Variants in C2orf49 observed in about 807,000 individuals in gnomAD.
C2orf49 encodes tRNA splicing ligase complex subunit 2, also known as tRNA-splicing ligase complex subunit ASW.
Under a neutral mutation model 20.6 loss-of-function variants are expected in C2orf49, and 11 were observed. The ratio of observed to expected loss-of-function variants is 0.53; its 90% CI spans 0.34 to 0.88. The LOEUF is 0.88. C2orf49 is among the 40% of genes least tolerant of loss of function. The pLI, the probability that C2orf49 is intolerant of heterozygous loss-of-function variation, is 0.02. For missense variants in C2orf49, 289 were observed against 274.2 expected, an observed-to-expected ratio of 1.05 and a Z score of -0.38; for synonymous variants, 134 against 108.5, an observed-to-expected ratio of 1.24 and a Z score of -1.46.
chr2:105,373,491 G>T, the C2orf49 span: 5 of 1,550,434 alleles, frequency 3.2e-6, no homozygotes, highest in Admixed American at 5.1e-5. Context: ...GTGAACAGGG[G>T]GTCAGAGGAA....
At chr2:105,367,735 G>C in the C2orf49 span, 15 of 1,613,468 alleles carry the variant, frequency 9.3e-6, no homozygotes, top group East Asian at 3.3e-4. Flanking sequence ...CCATCTTGCG[G>C]GTACCTGTCA....
chr2:105,363,573 G>A, the C2orf49 span: 38 of 1,121,726 alleles, frequency 3.4e-5, no homozygotes, highest in Admixed American at 5.2e-4. Flanking sequence ...ATCCAGAAAC[G>A]TCCAGTTTGT....
At chr2:105,371,911 C>A in the C2orf49 span, among the ~76,000 whole-genome samples, 1 of 152,260 alleles carries the variant, frequency 6.6e-6, no homozygotes, top group African/African-American at 2.4e-5. Flanking sequence ...GGCTTCAATT[C>A]TCATTTGCAC....
intron 1 of C2orf49, 35 bp downstream of exon 1, chr2:105,337,721 G>GGGGGGGGGCC: frequency 3.7e-5 from 1 of 26,800 alleles, no homozygotes; most frequent in Non-Finnish European, 6.6e-5. Context: ...GGGCGGGTGG[G>GGGGGGGGGCC]CCTTCCCAGG....
the C2orf49 span, among the ~76,000 whole-genome samples, chr2:105,382,176 A>C: frequency 6.6e-6 from 1 of 152,220 alleles, no homozygotes; most frequent in Non-Finnish European, 1.5e-5. Flanking sequence ...ATTAGCTACA[A>C]AAGCTGGAAA....
the C2orf49 span, among the ~76,000 whole-genome samples, chr2:105,370,146 G>A: frequency 6.6e-6 from 1 of 152,164 alleles, no homozygotes; most frequent in Non-Finnish European, 1.5e-5. Context: ...GGCTAAGGCG[G>A]GAGATCTCTT....
the C2orf49 span, among the ~76,000 whole-genome samples, chr2:105,355,995 A>G: frequency 6.6e-6 from 1 of 152,162 alleles, no homozygotes; most frequent in South Asian, 2.1e-4. Flanking sequence ...TGGTAATCCC[A>G]GCGTTTTGGA....
the C2orf49 span, chr2:105,376,390 G>C: frequency 6.6e-6 from 1 of 152,158 alleles, no homozygotes; most frequent in East Asian, 1.9e-4. Flanking sequence ...CCAAACTCTG[G>C]CAACTTTCTA....
At chr2:105,360,138 T>TA in the C2orf49 span, 1 of 151,890 alleles carries the variant, frequency 6.6e-6, no homozygotes, top group Non-Finnish European at 1.5e-5. Context: ...CCATCTCTAC[T>TA]AAAAATACAA....
At chr2:105,385,603 G>C in the C2orf49 span, among the ~76,000 whole-genome samples, 1 of 152,236 alleles carries the variant, frequency 6.6e-6, no homozygotes. Context: ...AGCCACATGA[G>C]GGGTTTCACT....
chr2:105,344,734 C>G (rs1241460920), intron 3 of C2orf49, among the ~76,000 whole-genome samples: 1 of 151,302 alleles, frequency 6.6e-6, no homozygotes, highest in Admixed American at 6.6e-5. Context: ...CGCCTGCCAC[C>G]ACACCCAGCT....
At chr2:105,366,217 G>GA in the C2orf49 span, among the ~76,000 whole-genome samples, 612 of 140,632 alleles carry the variant, frequency 4.4e-3, 1 homozygote, top group Admixed American at 6.3e-3. Flanking sequence ...CTCAAAAAAA[G>GA]AAAAAAAAAA....
the C2orf49 span, among the ~76,000 whole-genome samples, chr2:105,385,471 C>T: frequency 0.1 from 15,764 of 152,190 alleles, 1,115 homozygotes; most frequent in Middle Eastern, 0.18. Context: ...CACAAAGCAA[C>T]GAGAGCAGAA....
chr2:105,363,588 T>G, the C2orf49 span: 1 of 961,830 alleles, frequency 1.0e-6, no homozygotes, highest in Non-Finnish European at 1.5e-6. Context: ...GTTTGTTAAG[T>G]CACCAAGAAG....
At chr2:105,340,966 T>G (rs1473608916) in intron 2 of C2orf49, among the ~76,000 whole-genome samples, 3 of 152,262 alleles carry the variant, frequency 2.0e-5, no homozygotes, top group African/African-American at 7.2e-5. Context: ...TGATTGAGAT[T>G]ATTCTCCAAT....
chr2:105,343,426 G>A (rs1158583626), intron 3 of C2orf49, among the ~76,000 whole-genome samples: 1 of 152,186 alleles, frequency 6.6e-6, no homozygotes, highest in Non-Finnish European at 1.5e-5. Context: ...GTTTTTAAAA[G>A]TTCACTCAAG....
At chr2:105,369,161 A>G in the C2orf49 span, among the ~76,000 whole-genome samples, 10 of 152,326 alleles carry the variant, frequency 6.6e-5, no homozygotes, top group South Asian at 1.2e-3. Flanking sequence ...TGAGGGTCAC[A>G]TACATGTGAC....
chr2:105,348,536 A>G lies in C2orf49; in HGVS notation c.*3165A>G, dbSNP rs1459808561. ...TGCCAGTAGATTAAATCATATATAT[A>G]TATATATATATATATATATATGTAA... On this transcript the variant is annotated 3_prime_UTR_variant, in exon 4 of 4. Coordinates refer to ENST00000258457, the MANE Select transcript of C2orf49 (RefSeq NM_024093.3). 6.8e-6 allele frequency: 1 copy of G among 146,736 alleles called. No individual in the cohort carries two copies. Among genetic ancestry groups the G allele is most frequent in the Non-Finnish European group, 1.5e-5 (1 of 66,626 alleles). The allele number at this position is 146,736 out of a possible 1,614,324, so 9.1% of individuals were successfully genotyped here. A position where few individuals can be genotyped will look rare whatever the true frequency, so the allele number is the denominator to read the frequency against.
downstream of C2orf49, among the ~76,000 whole-genome samples, chr2:105,351,094 T>G (rs1679919772): frequency 6.6e-6 from 1 of 152,012 alleles, no homozygotes; most frequent in Non-Finnish European, 1.5e-5. Context: ...CAATTGGGAT[T>G]TTTCTGTTTT....
Sources: allele counts gnomAD v4.1 joint callset (sites outside exome capture counted in the v4.1 genomes callset), GRCh38; gene constraint gnomAD v4.1.1; transcripts MANE v1.5; gene names NCBI Gene and HGNC (gene_info 2026-07-23, HGNC 2026-07-21).